Variants in PIH1D1 observed in about 807,000 individuals in gnomAD.
PIH1D1 encodes the protein PIH1 domain containing 1.
Under a neutral mutation model 38.5 loss-of-function variants are expected in PIH1D1, and 28 were observed. The observed-to-expected ratio is 0.73, with a 90% CI of 0.54 to 1.00. The LOEUF is 1.00. Among genes scored for constraint, PIH1D1 ranks in the 50% least tolerant of loss-of-function variants. The pLI is 0.00. For synonymous variants in PIH1D1, 155 were observed against 153.5 expected (o/e 1.01, Z -0.07); for missense variants, 343 against 369.9 (o/e 0.93, Z 0.60).
chr19:49,450,516 T>C (rs2079051886), intron 2 of PIH1D1, among the ~76,000 whole-genome samples: 1 of 152,162 alleles, frequency 6.6e-6, no homozygotes, highest in Non-Finnish European at 1.5e-5. Flanking sequence ...CCTCTTGGGT[T>C]CCAGCAATTC....
At position 49,446,556 on chromosome 19, in the gene PIH1D1, T is replaced by C; in HGVS notation, c.826A>G (p.Arg276Gly). ...HESKAAFHRK[R>G]KQLMVAMPLL... The stretch of plus-strand genomic sequence containing the variant: ...CAAGCCCCTCCCCCAGGCACCTTTC[T>C]CTTCCGGTGGAAGGCTGCCTTGCTC... The change falls in exon 8 of 9, where the codon AGA becomes GGA. Residue 276 changes from arginine to glycine, a missense_variant. By Grantham distance (125) the Arg-to-Gly change is moderately radical. Transcript: ENST00000262265. The C allele has an allele frequency of 6.2e-7, 1 of 1,613,664 alleles. No individual in the cohort carries two copies. Among genetic ancestry groups the C allele is most frequent in the Non-Finnish European group, 8.5e-7 (1 of 1,179,878 alleles).
chr19:49,446,941 A>C, intron 7 of PIH1D1, 83 bp downstream of exon 7: 1 of 1,258,114 alleles, frequency 7.9e-7, no homozygotes, highest in Non-Finnish European at 1.2e-6. Flanking sequence ...TCCAGCAACA[A>C]CCCCTTGTCA....
intron 5 of PIH1D1, 90 bp from the exon 6 acceptor site, chr19:49,447,557 AC>A: frequency 6.7e-7 from 1 of 1,500,544 alleles, no homozygotes; most frequent in South Asian, 1.2e-5. Context: ...CCACCGGCTC[AC>A]CAGGACTCTT....
chr19:49,450,345 G>A (rs1213058482), intron 2 of PIH1D1, among the ~76,000 whole-genome samples: 2 of 151,946 alleles, frequency 1.3e-5, no homozygotes, highest in Non-Finnish European at 2.9e-5. Context: ...CTTCCACCTC[G>A]GCCTCCCAAA....
chr19:49,450,724 C>A (rs1382166385), intron 2 of PIH1D1, 58 bp downstream of exon 2: 2 of 805,884 alleles, frequency 2.5e-6, no homozygotes, highest in Non-Finnish European at 3.5e-6. Flanking sequence ...TTTCCTTCCT[C>A]CTCTCTCTGT....
At chr19:49,448,179 T>G in intron 3 of PIH1D1, 117 bp from the exon 4 acceptor site, 1 of 1,043,448 alleles carries the variant, frequency 9.6e-7, no homozygotes, top group East Asian at 2.6e-5. Context: ...GAGAGAGACA[T>G]AAGGAAGTGA....
In PIH1D1 at chr19:49,446,626, C is replaced by T; in HGVS notation, c.756G>A (p.Leu252=). Residue 252 remains leucine, a synonymous_variant, in exon 8 of 9, where the codon CTG becomes CTA. Transcript: ENST00000262265. Reference sequence around the variant, plus strand: ...GCGGGATATAAGCGTCTAGATGATACAGCTGCTGGGGGCCCCCCATCACCA... The same window carrying T: ...GCGGGATATAAGCGTCTAGATGATATAGCTGCTGGGGGCCCCCCATCACCA... ...NRLVMGGPQQ[L]YHLDAYIPLQ... 1 of 1,610,592 alleles carries T rather than the reference C, an allele frequency of 6.2e-7. No individual in the cohort carries two copies. Among genetic ancestry groups the T allele is most frequent in the Non-Finnish European group, 8.5e-7 (1 of 1,178,254 alleles).
chr19:49,448,177 C>T lies in PIH1D1; in HGVS notation c.338-115G>A, dbSNP rs531164655. The T allele has an allele frequency of 1.4e-5, 15 of 1,069,338 alleles. No individual in the cohort carries two copies. In the African/African-American group the frequency reaches 2.2e-4, roughly 16 times the overall value. The allele number at this position is 1,069,338 out of a possible 1,614,324, so 66.2% of individuals were successfully genotyped here. ...AGCGGCCGTAAGAAGCAGAGAGAGA[C>T]ATAAGGAAGTGAGAGCTGGGCACTC... On this transcript the variant is annotated intron_variant, in intron 3 of 8. Transcript: ENST00000262265.
chr19:49,450,415 T>C (rs1479152698), intron 2 of PIH1D1, among the ~76,000 whole-genome samples: 1 of 150,342 alleles, frequency 6.7e-6, no homozygotes, highest in Non-Finnish European at 1.5e-5. Flanking sequence ...TTTGTTGTTG[T>C]TGTTTGTTTC....
At chr19:49,448,173 G>C (rs1361475898) in intron 3 of PIH1D1, 111 bp from the exon 4 acceptor site, 7 of 1,093,276 alleles carry the variant, frequency 6.4e-6, no homozygotes, top group South Asian at 1.3e-5. Flanking sequence ...GAAGCAGAGA[G>C]AGACATAAGG....
Position 49,447,401 on chromosome 19 carries a change from T to C in PIH1D1, c.548A>G (p.Gln183Arg). 6.2e-7 allele frequency: 1 copy of C among 1,613,452 alleles called. No individual in the cohort carries two copies. Among genetic ancestry groups the C allele is most frequent in the Non-Finnish European group, 8.5e-7 (1 of 1,179,968 alleles). Residue 183 changes from glutamine (Q) to arginine (R), a missense_variant, in exon 6 of 9, where the codon CAG becomes CGG. Gln to Arg is a conservative substitution (Grantham distance 43). Coordinates refer to ENST00000262265, the MANE Select transcript of PIH1D1 (RefSeq NM_017916.3). ...CCCCAGCTCCTGGATCCGAGGACGC[T>C]GCTCCGAGCGGATGTTCTGCTGCGA... ...SISQQNIRSE[Q>R]RPRIQELGDL...
At position 49,447,949 on chromosome 19, in the gene PIH1D1, G is replaced by C. The variant is rs776772154; in HGVS notation, c.400-41C>G. On this transcript the variant is annotated intron_variant, in intron 4 of 8. Transcript: ENST00000262265. ...GGGAAAAGACAGGCGGTGGCGGGGA[G>C]GGTAGGGGTAGAGACCCCTGCCCAG... The C allele has an allele frequency of 2.5e-6, 4 of 1,613,538 alleles. No homozygotes were observed. In the South Asian group the frequency reaches 4.4e-5, roughly 18 times the overall value.
intron 8 of PIH1D1, 31 bp from the exon 9 acceptor site, chr19:49,446,454 C>T (rs1384626069): frequency 3.9e-6 from 5 of 1,269,144 alleles, no homozygotes; most frequent in Non-Finnish European, 5.8e-6. Flanking sequence ...GAATGAGGAT[C>T]CAGGACCCAG....
chr19:49,448,224 G>T, intron 3 of PIH1D1, 162 bp from the exon 4 acceptor site: 1 of 670,560 alleles, frequency 1.5e-6, no homozygotes, highest in Non-Finnish European at 2.6e-6. Context: ...TGGACTCTCC[G>T]CCCAGCCTCC....
In PIH1D1 at chr19:49,451,090, C is replaced by T. The variant is rs985217973; in HGVS notation, c.91-242G>A. On this transcript the variant is annotated intron_variant, in intron 1 of 8. Transcript: ENST00000262265. ...TGTCGCCCAGGCTGGAGTGCAGTGCCGAGGTCTCGGCTCATTGCAAGCTTC... is the reference window on the plus strand; with the variant it reads ...TGTCGCCCAGGCTGGAGTGCAGTGCTGAGGTCTCGGCTCATTGCAAGCTTC... Among the ~76,000 whole-genome samples, 16 of 145,744 alleles carry T rather than the reference C, an allele frequency of 1.1e-4. 1 individual carries two copies. Among genetic ancestry groups the T allele is most frequent in the Admixed American group, 1.1e-3 (15 of 14,276 alleles).
intron 7 of PIH1D1, 21 bp from the exon 8 acceptor site, chr19:49,446,715 G>A (rs1360564638): frequency 6.5e-7 from 1 of 1,535,292 alleles, no homozygotes; most frequent in East Asian, 2.3e-5. Flanking sequence ...GGCGGAATCA[G>A]GTCACCCTCC....
rs768335689 is a variant in PIH1D1 at position 49,448,045 on chromosome 19, C to T, written c.355G>A (p.Ala119Thr). ...TCGCTGTTGACAGCTACGTCGTAGG[C>T]GGTACATCCCTGGCCTTCTGCGGGG... The part of the protein sequence containing the change: ...ELDAKGQGCT[A>T]YDVAVNSDFY... Residue 119 changes from alanine to threonine, a missense_variant, in exon 4 of 9, where the codon GCC becomes ACC. Coordinates refer to ENST00000262265, the MANE Select transcript of PIH1D1 (RefSeq NM_017916.3). The T allele has an allele frequency of 1.2e-5, 19 of 1,614,074 alleles. No individual in the cohort carries two copies. The highest frequency in any genetic ancestry group is 1.6e-5 in the Non-Finnish European group (19 of 1,180,034).
At position 49,449,022 on chromosome 19, in the gene PIH1D1, T is replaced by A. The variant is rs894121275; in HGVS notation, c.337+453A>T. 1.1e-4 allele frequency: 35 copies of A among 321,710 alleles called. 2 individuals are homozygous for A. The highest frequency in any genetic ancestry group is 9.1e-4 in the South Asian group (35 of 38,604). 19.9% of individuals were successfully genotyped at this position (321,710 alleles called of 1,614,324 possible). The stretch of plus-strand genomic sequence containing the variant: ...GCCAGGCCAACGTGGCGAAACCCCG[T>A]CTCTATTAAAAATACAAAAATTAGC... On this transcript the variant is annotated intron_variant, in intron 3 of 8. Transcript: ENST00000262265.
chr19:49,446,613 C>A lies in PIH1D1; in HGVS notation c.769G>T (p.Ala257Ser). The A allele has an allele frequency of 1.2e-6, 2 of 1,613,358 alleles. No homozygotes were observed. The highest frequency in any genetic ancestry group is 1.7e-6 in the Non-Finnish European group (2 of 1,179,662). ...GAGTTGATCTGCAGCGGGATATAAG[C>A]GTCTAGATGATACAGCTGCTGGGGG... ...GGPQQLYHLD[A>S]YIPLQINSHE... The change falls in exon 8 of 9, where the codon GCT (alanine) becomes TCT (serine). Residue 257 changes from alanine to serine, a missense_variant. By Grantham distance (99) the Ala-to-Ser change is moderately conservative. Coordinates refer to ENST00000262265, the MANE Select transcript of PIH1D1 (RefSeq NM_017916.3).
Sources: gnomAD v4.1 joint callset for allele counts (sites outside exome capture counted in the v4.1 genomes callset) on GRCh38, gnomAD v4.1.1 for gene constraint, MANE v1.5 for transcripts, NCBI Gene and HGNC (gene_info 2026-07-23, HGNC 2026-07-21) for gene names.